SEMA6D: variants seen among roughly 807,000 people sequenced by gnomAD.
SEMA6D encodes the protein semaphorin 6D.
In SEMA6D, 35 loss-of-function variants were observed where a neutral mutation model predicts 106.6. The observed-to-expected ratio is 0.33, with a 90% CI of 0.25 to 0.44. The LOEUF is 0.44. SEMA6D is among the 20% of genes least tolerant of loss of function. The pLI, the probability that SEMA6D is intolerant of heterozygous loss-of-function variation, is 1.00. For synonymous variants in SEMA6D, 499 were observed against 487.7 expected, an observed-to-expected ratio of 1.02 and a Z score of -0.31; for missense variants, 1,185 against 1,345.9, an observed-to-expected ratio of 0.88 and a Z score of 1.87.
chr15:47,692,520 C>A (rs2078610527), intron 4 of SEMA6D, among the ~76,000 whole-genome samples: 1 of 152,138 alleles, frequency 6.6e-6, no homozygotes. Context: ...CCCTTCAGCC[C>A]AGAGTGAAGC....
intron 4 of SEMA6D, among the ~76,000 whole-genome samples, chr15:47,667,955 A>G (rs1212253455): frequency 6.6e-6 from 1 of 152,198 alleles, no homozygotes; most frequent in Non-Finnish European, 1.5e-5. Context: ...TTCCTTCTCT[A>G]TTTATTCCTA....
chr15:47,318,857 T>G (rs977097804), intron 1 of SEMA6D, among the ~76,000 whole-genome samples: 4 of 150,428 alleles, frequency 2.7e-5, no homozygotes, highest in African/African-American at 7.3e-5. Flanking sequence ...ACTTCCACAA[T>G]GGTTGAACTA....
chr15:47,415,832 A>G (rs1336981085), intron 2 of SEMA6D, among the ~76,000 whole-genome samples: 2 of 152,184 alleles, frequency 1.3e-5, no homozygotes, highest in East Asian at 3.9e-4. Context: ...TTTAAGAATA[A>G]AGCCAAGTTG....
intron 1 of SEMA6D, among the ~76,000 whole-genome samples, chr15:47,198,238 G>A (rs1051019517): frequency 6.6e-6 from 1 of 151,988 alleles, no homozygotes; most frequent in Non-Finnish European, 1.5e-5. Flanking sequence ...TTAGACAGGA[G>A]GAATAGGTTC....
At chr15:47,290,200 G>A (rs1013564894) in intron 1 of SEMA6D, among the ~76,000 whole-genome samples, 1 of 152,186 alleles carries the variant, frequency 6.6e-6, no homozygotes, top group African/African-American at 2.4e-5. Context: ...AGCTTTCAAC[G>A]AAAGCTAAAA....
intron 4 of SEMA6D, among the ~76,000 whole-genome samples, chr15:47,611,122 A>C (rs1365654755): frequency 6.6e-6 from 1 of 150,798 alleles, no homozygotes; most frequent in East Asian, 2.0e-4. Flanking sequence ...ATAATTGATT[A>C]GCCTACCCAC....
intron 3 of SEMA6D, among the ~76,000 whole-genome samples, chr15:47,522,681 G>A (rs78019296): frequency 0.02 from 3,051 of 152,252 alleles, 107 homozygotes; most frequent in African/African-American, 0.069. Context: ...TGGTGTTAGC[G>A]ACACTGCCTT....
intron 3 of SEMA6D, among the ~76,000 whole-genome samples, chr15:47,549,785 T>C (rs1040354843): frequency 2.0e-5 from 3 of 152,176 alleles, no homozygotes; most frequent in African/African-American, 4.8e-5. Context: ...ACCTTCCTGT[T>C]TCTGAGTGCC....
intron 1 of SEMA6D, among the ~76,000 whole-genome samples, chr15:47,389,553 A>C (rs886822224): frequency 1.1e-4 from 16 of 152,352 alleles, no homozygotes; most frequent in African/African-American, 3.8e-4. Flanking sequence ...TTAACTATTG[A>C]GGTTACGGTA....
chr15:47,348,428 C>T (rs764405216), intron 1 of SEMA6D, among the ~76,000 whole-genome samples: 5 of 151,994 alleles, frequency 3.3e-5, no homozygotes, highest in East Asian at 1.9e-4. Context: ...CTGCATATGT[C>T]GGCTATTTTT....
At chr15:47,394,893 A>G (rs1404469309) in intron 1 of SEMA6D, among the ~76,000 whole-genome samples, 1 of 152,056 alleles carries the variant, frequency 6.6e-6, no homozygotes, top group Non-Finnish European at 1.5e-5. Context: ...GTGGCAACCT[A>G]TGATGCCTTT....
chr15:47,723,430 T>C (rs1443057229), intron 1 of SEMA6D, among the ~76,000 whole-genome samples: 1 of 152,230 alleles, frequency 6.6e-6, no homozygotes, highest in Non-Finnish European at 1.5e-5. Flanking sequence ...TTCATTTCCC[T>C]GATCTTGGCA....
At chr15:47,521,562 G>A (rs945171572) in intron 3 of SEMA6D, among the ~76,000 whole-genome samples, 5 of 152,276 alleles carry the variant, frequency 3.3e-5, no homozygotes, top group South Asian at 2.1e-4. Flanking sequence ...GCATCATGCC[G>A]TTTTAGAAGG....
intron 1 of SEMA6D, among the ~76,000 whole-genome samples, chr15:47,235,672 A>T (rs886778893): frequency 6.6e-6 from 1 of 151,916 alleles, no homozygotes; most frequent in African/African-American, 2.4e-5. Flanking sequence ...TGTTCCATTG[A>T]TCTATGTATC....
At chr15:47,309,397 A>G (rs1371967911) in intron 1 of SEMA6D, among the ~76,000 whole-genome samples, 1 of 152,158 alleles carries the variant, frequency 6.6e-6, no homozygotes, top group Non-Finnish European at 1.5e-5. Flanking sequence ...ATCATCTGGA[A>G]TATCTGATCA....
chr15:47,757,990 T>C (rs1387084619), intron 1 of SEMA6D, among the ~76,000 whole-genome samples: 1 of 152,140 alleles, frequency 6.6e-6, no homozygotes, highest in Non-Finnish European at 1.5e-5. Context: ...TTTGCTAATA[T>C]GTGGTATAAT....
chr15:47,389,033 G>A (rs991410638), intron 1 of SEMA6D, among the ~76,000 whole-genome samples: 3 of 151,850 alleles, frequency 2.0e-5, no homozygotes, highest in Non-Finnish European at 2.9e-5. Context: ...TTTTTTCTGC[G>A]GGTCCAAATA....
intron 1 of SEMA6D, among the ~76,000 whole-genome samples, chr15:47,252,802 G>A (rs1218585080): frequency 6.6e-6 from 1 of 152,058 alleles, no homozygotes; most frequent in Non-Finnish European, 1.5e-5. Context: ...ATTCATTCAT[G>A]GACACTTGTT....
chr15:47,245,389 C>T (rs1327240908), intron 1 of SEMA6D, among the ~76,000 whole-genome samples: 1 of 152,164 alleles, frequency 6.6e-6, no homozygotes, highest in African/African-American at 2.4e-5. Context: ...TTACTGTCCT[C>T]AGTTATGAAG....
Sources: gnomAD v4.1 joint callset for allele counts (sites outside exome capture counted in the v4.1 genomes callset) on GRCh38, gnomAD v4.1.1 for gene constraint, MANE v1.5 for transcripts, NCBI Gene and HGNC (gene_info 2026-07-23, HGNC 2026-07-21) for gene names.